The following PCDH15 variants were observed in gnomAD, a reference collection of about 807,000 sequenced individuals.
The protein encoded by PCDH15 is protocadherin-15.
Under a neutral mutation model 178.5 loss-of-function variants are expected in PCDH15, and 129 were observed. The observed-to-expected ratio is 0.72, with a 90% CI of 0.63 to 0.84. The LOEUF (loss-of-function observed/expected upper bound fraction) is 0.84. PCDH15 is among the 40% of genes least tolerant of loss of function. The pLI is 0.00. For missense variants in PCDH15, 2,230 were observed against 2,099.9 expected (o/e 1.06, Z -1.21); for synonymous variants, 800 against 732.0 (o/e 1.09, Z -1.50).
At chr10:55,221,504 CA>C (rs1242481059) in intron 1 of PCDH15, among the ~76,000 whole-genome samples, 1 of 152,040 alleles carries the variant, frequency 6.6e-6, no homozygotes, top group East Asian at 1.9e-4. Context: ...CATGGCTAGA[CA>C]AATAGAATCG....
intron 1 of PCDH15, among the ~76,000 whole-genome samples, chr10:54,767,523 T>C (rs1425517534): frequency 7.9e-5 from 12 of 152,054 alleles, no homozygotes; most frequent in Non-Finnish European, 1.5e-5. Context: ...GAAACTTCTT[T>C]CCTAAGAGTA....
At chr10:53,892,601 C>T (rs1288152387) in intron 26 of PCDH15, among the ~76,000 whole-genome samples, 2 of 152,058 alleles carry the variant, frequency 1.3e-5, no homozygotes, top group Non-Finnish European at 2.9e-5. Context: ...AAATAGACTT[C>T]ATCTTGTCCA....
intron 3 of PCDH15, among the ~76,000 whole-genome samples, chr10:54,447,171 C>T: frequency 6.6e-6 from 1 of 151,726 alleles, no homozygotes; most frequent in East Asian, 1.9e-4. Context: ...GACTGAGCAT[C>T]TGGTACATGA....
At chr10:53,986,942 T>C (rs747025614) in intron 21 of PCDH15, among the ~76,000 whole-genome samples, 7 of 152,180 alleles carry the variant, frequency 4.6e-5, no homozygotes, top group Non-Finnish European at 1.0e-4. Flanking sequence ...GCCACAGGGC[T>C]AGTCAGTGGG....
intron 3 of PCDH15, among the ~76,000 whole-genome samples, chr10:54,421,503 T>C (rs1222995999): frequency 8.2e-5 from 6 of 73,128 alleles, no homozygotes; most frequent in Non-Finnish European, 2.5e-4. Flanking sequence ...ATGTATATTA[T>C]AAAATGAATA....
intron 26 of PCDH15, among the ~76,000 whole-genome samples, chr10:53,881,798 TACAACAGGTAAATG>T (rs1466524980): frequency 1.3e-5 from 2 of 152,074 alleles, no homozygotes; most frequent in African/African-American, 4.8e-5. Flanking sequence ...GTAAAAAAAT[TACAACAGGTAAATG>T]ACACAGATCT....
At chr10:54,402,655 G>A (rs1475102511) in intron 3 of PCDH15, among the ~76,000 whole-genome samples, 1 of 151,836 alleles carries the variant, frequency 6.6e-6, no homozygotes, top group Non-Finnish European at 1.5e-5. Context: ...TGTTATATCT[G>A]TTATGATTAT....
At chr10:54,489,837 G>C (rs2079421715) in intron 3 of PCDH15, among the ~76,000 whole-genome samples, 2 of 152,108 alleles carry the variant, frequency 1.3e-5, no homozygotes, top group African/African-American at 4.8e-5. Flanking sequence ...GTCTTTGCCA[G>C]GTTAAGATTT....
At chr10:54,657,302 C>T (rs11004437) in intron 2 of PCDH15, among the ~76,000 whole-genome samples, 7,275 of 152,250 alleles carry the variant, frequency 0.048, 226 homozygotes, top group Middle Eastern at 0.099. Flanking sequence ...AGGCCTCCAA[C>T]GCTCTTCCAT....
At chr10:54,321,744 A>G (rs189426515) in intron 7 of PCDH15, among the ~76,000 whole-genome samples, 1 of 140,222 alleles carries the variant, frequency 7.1e-6, no homozygotes, top group Admixed American at 7.1e-5. Flanking sequence ...AATACATAAT[A>G]GGAGTTTTTT....
chr10:53,976,541 GAC>G (rs374294606), intron 21 of PCDH15, among the ~76,000 whole-genome samples: 6 of 152,008 alleles, frequency 3.9e-5, no homozygotes, highest in African/African-American at 1.4e-4. Context: ...GGTCTCAAAT[GAC>G]ACAAACTCCT....
chr10:53,853,746 C>T (rs981238135), intron 28 of PCDH15, among the ~76,000 whole-genome samples: 10 of 151,602 alleles, frequency 6.6e-5, no homozygotes, highest in Admixed American at 2.0e-4. Flanking sequence ...ATGGCTACTA[C>T]GTATAAAAAA....
intron 2 of PCDH15, among the ~76,000 whole-genome samples, chr10:55,421,595 A>T (rs1278519096): frequency 1.3e-5 from 2 of 150,940 alleles, no homozygotes; most frequent in Admixed American, 1.3e-4. Context: ...GACTAAAATG[A>T]TCTTCTGTGA....
At chr10:55,178,691 T>C (rs957683601) in intron 1 of PCDH15, among the ~76,000 whole-genome samples, 1 of 152,144 alleles carries the variant, frequency 6.6e-6, no homozygotes, top group Non-Finnish European at 1.5e-5. Flanking sequence ...AAAGCACCAA[T>C]GTAAAGAAAT....
intron 2 of PCDH15, among the ~76,000 whole-genome samples, chr10:55,385,140 T>C (rs1837621046): frequency 6.6e-6 from 1 of 152,128 alleles, no homozygotes; most frequent in South Asian, 2.1e-4. Context: ...AATGATTCCA[T>C]ATACATAAAT....
intron 2 of PCDH15, among the ~76,000 whole-genome samples, chr10:54,657,768 A>G (rs2094433259): frequency 1.3e-5 from 2 of 152,212 alleles, no homozygotes; most frequent in South Asian, 2.1e-4. Context: ...GAAAGAATCA[A>G]TGCATGAACT....
At chr10:55,400,169 A>T (rs1838028735) in intron 2 of PCDH15, among the ~76,000 whole-genome samples, 1 of 152,090 alleles carries the variant, frequency 6.6e-6, no homozygotes, top group African/African-American at 2.4e-5. Context: ...GGGGTTGGAT[A>T]AGGGTATGTG....
chr10:54,614,325 G>A (rs774533924), intron 2 of PCDH15, among the ~76,000 whole-genome samples: 2 of 151,860 alleles, frequency 1.3e-5, no homozygotes, highest in African/African-American at 4.8e-5. Context: ...TCAAATCTCC[G>A]CTATTTTATT....
At chr10:53,827,237 C>T (rs1423728133) in intron 32 of PCDH15, 156 bp downstream of exon 32, 6 of 782,254 alleles carry the variant, frequency 7.7e-6, no homozygotes, top group Non-Finnish European at 9.3e-6. Flanking sequence ...CTTAACCTTT[C>T]TTAGATTTTC....
Sources: gnomAD v4.1 joint callset for allele counts (sites outside exome capture counted in the v4.1 genomes callset) on GRCh38, gnomAD v4.1.1 for gene constraint, MANE v1.5 for transcripts, NCBI Gene and HGNC (gene_info 2026-07-23, HGNC 2026-07-21) for gene names.